The following CERS3 variants were observed in gnomAD, a reference collection of about 807,000 sequenced individuals.
CERS3 encodes ceramide synthase 3.
A neutral mutation model predicts 50.3 loss-of-function variants in CERS3; 33 were observed. The ratio of observed to expected loss-of-function variants is 0.66; its 90% CI spans 0.50 to 0.88. The LOEUF (loss-of-function observed/expected upper bound fraction) is 0.88. Among genes scored for constraint, CERS3 ranks in the 40% least tolerant of loss-of-function variants. The pLI, the probability that CERS3 is intolerant of heterozygous loss-of-function variation, is 0.00. For missense variants in CERS3, 470 were observed against 460.3 expected (o/e 1.02, Z -0.19); for synonymous variants, 176 against 155.2 (o/e 1.13, Z -0.99).
intron 1 of CERS3, among the ~76,000 whole-genome samples, chr15:100,539,839 A>T (rs2037157430): frequency 6.6e-6 from 1 of 152,166 alleles, no homozygotes. Context: ...ACATCAAAGC[A>T]TCCCAGGAGA....
At chr15:100,510,950 A>G (rs2411830) in intron 2 of CERS3, among the ~76,000 whole-genome samples, 137,001 of 152,230 alleles carry the variant, frequency 0.9, 62,066 homozygotes, top group Non-Finnish European at 0.96. Flanking sequence ...GGTTTGTATT[A>G]TTTCCAGGTA....
intron 1 of CERS3, among the ~76,000 whole-genome samples, chr15:100,527,686 G>A (rs745972749): frequency 5.9e-5 from 9 of 152,216 alleles, no homozygotes; most frequent in East Asian, 1.9e-4. Flanking sequence ...TGAAAGTGGC[G>A]TATCATGAGC....
chr15:100,453,504 C>T lies in CERS3; in HGVS notation c.999+2389G>A, dbSNP rs140407669. On this transcript the variant is annotated intron_variant, in intron 11 of 11. Coordinates refer to ENST00000679737, the MANE Select transcript of CERS3 (RefSeq NM_001378789.1). ...TAGTCATAGAGGGAACATAACTGAA[C>T]ATAATGAAGGGCATATATGACAGAT... 8.1e-3 allele frequency among the ~76,000 whole-genome samples: 1,236 copies of T among 152,230 alleles called. 23 individuals are homozygous for T. The highest frequency in any genetic ancestry group is 0.049 in the Admixed American group (751 of 15,286).
chr15:100,536,891 T>C (rs2037087387), intron 1 of CERS3, among the ~76,000 whole-genome samples: 1 of 152,254 alleles, frequency 6.6e-6, no homozygotes, highest in African/African-American at 2.4e-5. Flanking sequence ...GTTGATAACA[T>C]GTCATATCTG....
At chr15:100,513,408 C>T (rs887224950) in intron 2 of CERS3, among the ~76,000 whole-genome samples, 3 of 152,152 alleles carry the variant, frequency 2.0e-5, no homozygotes, top group African/African-American at 4.8e-5. Context: ...CAGGAGGGCC[C>T]GGGGCGGTTG....
chr15:100,483,866 C>T (rs1281803792), intron 5 of CERS3, among the ~76,000 whole-genome samples: 2 of 144,804 alleles, frequency 1.4e-5, no homozygotes, highest in South Asian at 2.3e-4. Flanking sequence ...CTGCAAGCTC[C>T]GCCTCCCAGG....
chr15:100,423,891 GTTAA>G (rs1420308058), intron 11 of CERS3, among the ~76,000 whole-genome samples: 2 of 151,014 alleles, frequency 1.3e-5, no homozygotes, highest in Admixed American at 6.6e-5. Flanking sequence ...AGAACCATGA[GTTAA>G]TTAAATTTTT....
chr15:100,480,148 G>T (rs1368901862), intron 5 of CERS3, 102 bp from the exon 6 acceptor site: 2 of 842,974 alleles, frequency 2.4e-6, no homozygotes, highest in Admixed American at 4.6e-5. Context: ...ACACATTCTG[G>T]AGTCAGACAA....
At chr15:100,502,502 T>C (rs2036043273) in intron 2 of CERS3, among the ~76,000 whole-genome samples, 1 of 152,142 alleles carries the variant, frequency 6.6e-6, no homozygotes, top group Admixed American at 6.5e-5. Flanking sequence ...AAAATAACAA[T>C]AGGCTTTACA....
At chr15:100,438,354 T>A (rs979466244) in intron 11 of CERS3, among the ~76,000 whole-genome samples, 1 of 152,276 alleles carries the variant, frequency 6.6e-6, no homozygotes, top group Admixed American at 6.5e-5. Context: ...CTGTATTCAC[T>A]ATTTATTTTT....
At chr15:100,428,592 A>T (rs2032955718) in intron 11 of CERS3, among the ~76,000 whole-genome samples, 2 of 152,204 alleles carry the variant, frequency 1.3e-5, no homozygotes, top group South Asian at 4.1e-4. Flanking sequence ...AAATGTCTCC[A>T]CAGATTGTCA....
chr15:100,503,263 T>A (rs1169647579), intron 2 of CERS3, among the ~76,000 whole-genome samples: 2 of 152,180 alleles, frequency 1.3e-5, no homozygotes, highest in Non-Finnish European at 2.9e-5. Context: ...AGTGAATGAA[T>A]CCAAGGTGTG....
At chr15:100,448,351 C>T (rs1231353406) in intron 11 of CERS3, among the ~76,000 whole-genome samples, 2 of 152,112 alleles carry the variant, frequency 1.3e-5, no homozygotes, top group East Asian at 3.9e-4. Flanking sequence ...GAAAGGGAAG[C>T]CAAGACCGTC....
At chr15:100,530,977 G>C (rs907727871), upstream of CERS3, among the ~76,000 whole-genome samples, 1 of 152,018 alleles carries the variant, frequency 6.6e-6, no homozygotes, top group Non-Finnish European at 1.5e-5. Context: ...CCAGCTACTC[G>C]GGAGGCTGCG....
At chr15:100,512,533 G>A (rs904088585) in intron 2 of CERS3, among the ~76,000 whole-genome samples, 1 of 152,160 alleles carries the variant, frequency 6.6e-6, no homozygotes, top group African/African-American at 2.4e-5. Flanking sequence ...GTACCATAAA[G>A]ACTCCTTTCA....
At chr15:100,507,283 G>T (rs1178346327) in intron 2 of CERS3, among the ~76,000 whole-genome samples, 2 of 152,182 alleles carry the variant, frequency 1.3e-5, no homozygotes, top group African/African-American at 2.4e-5. Flanking sequence ...GCCCCTTGAA[G>T]ATAAGGGTGG....
chr15:100,508,355 T>G (rs888251298), intron 2 of CERS3, among the ~76,000 whole-genome samples: 39 of 152,310 alleles, frequency 2.6e-4, no homozygotes, highest in African/African-American at 8.9e-4. Context: ...CTGGCTTCCC[T>G]GAATAGCCTT....
At chr15:100,516,827 G>C (rs778129388) in intron 2 of CERS3, among the ~76,000 whole-genome samples, 1 of 152,196 alleles carries the variant, frequency 6.6e-6, no homozygotes, top group Non-Finnish European at 1.5e-5. Flanking sequence ...AATGTCAGGT[G>C]GTTCCAAGCT....
chr15:100,446,038 C>T (rs566580862), intron 11 of CERS3, among the ~76,000 whole-genome samples: 1 of 152,222 alleles, frequency 6.6e-6, no homozygotes, highest in South Asian at 2.1e-4. Context: ...AGAGAACAAC[C>T]CCCCTTTTTC....
Sources: allele counts gnomAD v4.1 joint callset (sites outside exome capture counted in the v4.1 genomes callset), GRCh38; gene constraint gnomAD v4.1.1; transcripts MANE v1.5; gene names NCBI Gene and HGNC (gene_info 2026-07-23, HGNC 2026-07-21).